The following NRK variants were observed in gnomAD, a reference collection of about 807,000 sequenced individuals.
NRK encodes nik-related protein kinase.
NRK carries 67 observed loss-of-function variants against 125.2 expected under a neutral mutation model. The ratio of observed to expected loss-of-function variants is 0.54; its 90% confidence interval spans 0.44 to 0.66. The LOEUF (loss-of-function observed/expected upper bound fraction) is 0.66. NRK is among the 30% of genes least tolerant of loss of function. The pLI is 0.00. For synonymous variants in NRK, 458 were observed against 429.0 expected (o/e 1.07, Z -0.84); for missense variants, 1,224 against 1,192.9 (o/e 1.03, Z -0.38).
At chrX:105,950,414 G>A (rs1602707350) in intron 27 of NRK, among the ~76,000 whole-genome samples, 1 of 110,237 alleles carries the variant, frequency 9.1e-6, no homozygotes, top group Non-Finnish European at 1.9e-5. Flanking sequence ...TTCTAGATAG[G>A]GAACATAATG....
intron 2 of NRK, among the ~76,000 whole-genome samples, chrX:105,878,722 T>A (rs1194470238): frequency 9.0e-6 from 1 of 111,209 alleles, no homozygotes; most frequent in East Asian, 2.8e-4. Flanking sequence ...ATTCTAGTCT[T>A]CTGTGGCTGG....
chrX:105,946,282 G>A, intron 25 of NRK, 33 bp from the exon 26 acceptor site: 1 of 1,147,095 alleles, frequency 8.7e-7, no homozygotes, highest in Non-Finnish European at 1.2e-6. Context: ...GTCATTTTTG[G>A]CCTTTTGGCC....
intron 27 of NRK, 77 bp from the exon 28 acceptor site, chrX:105,952,957 A>G: frequency 2.4e-6 from 2 of 845,526 alleles, no homozygotes; most frequent in Non-Finnish European, 3.2e-6. Flanking sequence ...ATAAACAAAC[A>G]TTGACTGTAG....
chrX:105,830,086 G>A (rs938774258), intron 1 of NRK, among the ~76,000 whole-genome samples: 2 of 108,999 alleles, frequency 1.8e-5, no homozygotes, highest in Admixed American at 1.0e-4. Flanking sequence ...GCTCATGCCT[G>A]TAATCCCAGC....
At position 105,945,985 on chromosome X, in the gene NRK, A is replaced by G. The variant is rs1264585718; in HGVS notation, c.4173A>G (p.Pro1391=). The change falls in exon 25 of 29, where the codon CCA becomes CCG. Residue 1391 remains proline (P), a synonymous_variant. Coordinates refer to ENST00000243300, the MANE Select transcript of NRK (RefSeq NM_198465.4). ...AADPVNRFKR[P]DELLHLLKLK... ...ATCCAGTGAACCGGTTTAAGAGACC[A>G]GATGAGCTCCTTCATTTGCTGAAGC... 8.3e-7 allele frequency: 1 copy of G among 1,210,552 alleles called. No individual in the cohort carries two copies. Among genetic ancestry groups the G allele is most frequent in the Admixed American group, 2.2e-5 (1 of 45,911 alleles).
chrX:105,889,862 G>A lies in NRK; in HGVS notation c.378+1443G>A, dbSNP rs1398802276. Among the ~76,000 whole-genome samples, 3 of 111,893 alleles carry A rather than the reference G, an allele frequency of 2.7e-5. No individual in the cohort carries two copies. The Admixed American group carries it at 2.8e-4, about 11-fold the overall frequency. ...CATGAAACCATTTTTTTTCCTCCTAGGCCTCTGGGCCTGTGATGGCAGGGG... is the reference window on the plus strand; with the variant it reads ...CATGAAACCATTTTTTTTCCTCCTAAGCCTCTGGGCCTGTGATGGCAGGGG... On this transcript the variant is annotated intron_variant, in intron 5 of 28. Coordinates refer to ENST00000243300, the MANE Select transcript of NRK (RefSeq NM_198465.4).
intron 23 of NRK, among the ~76,000 whole-genome samples, chrX:105,940,370 G>A (rs1214181233): frequency 1.8e-5 from 2 of 109,645 alleles, no homozygotes; most frequent in East Asian, 2.9e-4. Flanking sequence ...CAGATAAACC[G>A]ATTTTTTTTT....
In NRK at chrX:105,945,989, G is replaced by A; in HGVS notation, c.4177G>A (p.Glu1393Lys). 2 of 1,210,160 alleles carry A rather than the reference G, an allele frequency of 1.7e-6. No individual in the cohort carries two copies. Among genetic ancestry groups the A allele is most frequent in the East Asian group, 3.0e-5 (1 of 33,813 alleles). ...AGTGAACCGGTTTAAGAGACCAGAT[G>A]AGCTCCTTCATTTGCTGAAGCTCAA... ...DPVNRFKRPD[E>K]LLHLLKLKVF... Residue 1393 changes from glutamate (E) to lysine (K), a missense_variant, in exon 25 of 29, where the codon GAG becomes AAG. Transcript: ENST00000243300.
intron 11 of NRK, chrX:105,907,731 CTT>C (rs1382461248): frequency 1.8e-5 from 2 of 112,089 alleles, no homozygotes; most frequent in African/African-American, 6.5e-5. Context: ...AAATAAAACT[CTT>C]GTTTGTAATC....
chrX:105,843,565 C>A (rs1450234804), intron 2 of NRK, among the ~76,000 whole-genome samples: 1 of 111,800 alleles, frequency 8.9e-6, no homozygotes, highest in Non-Finnish European at 1.9e-5. Context: ...ATAAATATTT[C>A]CAAAGGATGG....
intron 4 of NRK, 43 bp from the exon 5 acceptor site, chrX:105,888,251 A>T (rs988605730): frequency 8.8e-7 from 1 of 1,131,004 alleles, no homozygotes; most frequent in African/African-American, 1.8e-5. Context: ...ATAGTCATTG[A>T]TTGCACAGTT....
intron 2 of NRK, among the ~76,000 whole-genome samples, chrX:105,867,034 G>A (rs910338881): frequency 5.4e-5 from 6 of 110,167 alleles, no homozygotes; most frequent in Non-Finnish European, 9.5e-5. Context: ...CATATACCTT[G>A]GTATAGTCTT....
chrX:105,918,220 A>G (rs921132225), intron 16 of NRK, among the ~76,000 whole-genome samples: 6 of 111,586 alleles, frequency 5.4e-5, no homozygotes, highest in Admixed American at 9.6e-5. Context: ...GAATTTCAAA[A>G]AAGTATTTTA....
At chrX:105,894,005 G>A (rs1357083342) in intron 6 of NRK, 63 bp downstream of exon 6, 2 of 602,684 alleles carry the variant, frequency 3.3e-6, no homozygotes, top group African/African-American at 4.4e-5. Flanking sequence ...TATATACAAT[G>A]CACCTTATAC....
chrX:105,948,346 A>G (rs1011637327), intron 26 of NRK: 4 of 155,266 alleles, frequency 2.6e-5, no homozygotes, highest in African/African-American at 1.2e-4. Flanking sequence ...TAGTGTCTTG[A>G]CCCATTTAAA....
chrX:105,863,527 T>A (rs1439745974), intron 2 of NRK, among the ~76,000 whole-genome samples: 4 of 112,021 alleles, frequency 3.6e-5, no homozygotes, highest in Non-Finnish European at 7.5e-5. Context: ...AATTTCTGAA[T>A]ATTCAAAGAT....
rs1227742623 is a variant in NRK at position 105,906,584 on chromosome X, A to T, written c.1016A>T (p.Lys339Ile). ...HLTGIIKKRQ[K>I]KGIPLIFERE... is the part of the protein sequence containing the mutation. ...ACTGGAATCATTAAAAAAAGACAGAAAAAAGGTAGAATCTGTTAAGTTTTA... is the reference window on the plus strand; with the variant it reads ...ACTGGAATCATTAAAAAAAGACAGATAAAAGGTAGAATCTGTTAAGTTTTA... The change falls in exon 11 of 29, where the codon AAA becomes ATA. Residue 339 changes from lysine (K) to isoleucine (I), a missense_variant. Coordinates refer to ENST00000243300, the MANE Select transcript of NRK (RefSeq NM_198465.4). The T allele has an allele frequency of 9.9e-7, 1 of 1,012,365 alleles. No individual in the cohort carries two copies. The highest frequency in any genetic ancestry group is 2.9e-5 in the South Asian group (1 of 34,608). The allele number at this position is 1,012,365 out of a possible 1,213,427, so 83.4% of individuals were successfully genotyped here.
intron 2 of NRK, among the ~76,000 whole-genome samples, chrX:105,859,243 T>C (rs1174871416): frequency 8.9e-6 from 1 of 111,816 alleles, no homozygotes; most frequent in Non-Finnish European, 1.9e-5. Context: ...TGATATGTGC[T>C]TTATAACATA....
Position 105,908,290 on chromosome X carries a change from G to A in NRK, c.1072G>A (p.Val358Met), listed in dbSNP as rs209373. 254,327 of 1,063,601 alleles carry A rather than the reference G, an allele frequency of 0.24. 26,675 individuals carry two copies. Among genetic ancestry groups the A allele is most frequent in the African/African-American group, 0.69 (35,944 of 51,833 alleles). 87.7% of individuals were successfully genotyped at this position (1,063,601 alleles called of 1,213,427 possible). ...AGAAGCTATTAAGGAACAGTACACC[G>A]TGAGAAGATTCAGGTGCGTTCCACA... Reference protein sequence around the residue: ...REEAIKEQYTVRRFRGPSCTH... With the variant: ...REEAIKEQYTMRRFRGPSCTH... Residue 358 changes from valine (V) to methionine (M), a missense_variant, in exon 12 of 29, where the codon GTG becomes ATG. Transcript: ENST00000243300.
Sources: gnomAD v4.1 joint callset for allele counts (sites outside exome capture counted in the v4.1 genomes callset) on GRCh38, gnomAD v4.1.1 for gene constraint, MANE v1.5 for transcripts, NCBI Gene and HGNC (gene_info 2026-07-23, HGNC 2026-07-21) for gene names.